The following ZNF385B variants were observed in gnomAD, a reference collection of about 807,000 sequenced individuals.
The protein encoded by ZNF385B is zinc finger protein 533.
Under a neutral mutation model 39.2 loss-of-function variants are expected in ZNF385B, and 23 were observed. That is an observed-to-expected ratio of 0.59 (90% CI 0.42 to 0.83). ZNF385B has a LOEUF of 0.83. Ranked by LOEUF, ZNF385B falls within the 40% of genes least tolerant of loss-of-function variation. The probability of loss-of-function intolerance (pLI) is 0.00; values close to 1 mark genes in which losing one functional copy is unlikely to be tolerated. For missense variants in ZNF385B, 552 were observed against 598.9 expected, an observed-to-expected ratio of 0.92 and a Z score of 0.82; for synonymous variants, 205 against 222.6, an observed-to-expected ratio of 0.92 and a Z score of 0.70.
intron 3 of ZNF385B, among the ~76,000 whole-genome samples, chr2:179,600,546 A>G (rs1434203990): frequency 6.6e-6 from 1 of 152,198 alleles, no homozygotes; most frequent in African/African-American, 2.4e-5. Context: ...TGAATATGTA[A>G]GCCAAGGTAT....
intron 6 of ZNF385B, among the ~76,000 whole-genome samples, chr2:179,448,124 C>T (rs1325830266): frequency 6.6e-6 from 1 of 151,970 alleles, no homozygotes; most frequent in East Asian, 1.9e-4. Context: ...TCCATATTCC[C>T]TTTCAGTGAC....
chr2:179,790,563 C>A (rs906025896), intron 1 of ZNF385B, among the ~76,000 whole-genome samples: 7 of 152,144 alleles, frequency 4.6e-5, no homozygotes, highest in East Asian at 1.9e-4. Flanking sequence ...GAGTAGTTAT[C>A]CAATAGTGTC....
chr2:179,798,004 AT>A (rs936015214), intron 1 of ZNF385B, among the ~76,000 whole-genome samples: 2 of 151,912 alleles, frequency 1.3e-5, no homozygotes, highest in Non-Finnish European at 2.9e-5. Context: ...AAAATGCTTC[AT>A]TTTTTTTCCC....
At chr2:179,628,445 T>G (rs1047299132) in intron 3 of ZNF385B, among the ~76,000 whole-genome samples, 3 of 152,256 alleles carry the variant, frequency 2.0e-5, no homozygotes, top group African/African-American at 7.2e-5. Flanking sequence ...TGGTGTCATG[T>G]GACATCTTCC....
intron 1 of ZNF385B, among the ~76,000 whole-genome samples, chr2:179,793,364 TG>T (rs1010344118): frequency 6.6e-6 from 1 of 152,148 alleles, no homozygotes; most frequent in Non-Finnish European, 1.5e-5. Flanking sequence ...AAAATGTTAG[TG>T]GGTGATAAGG....
At chr2:179,578,205 A>G (rs1686060806) in intron 3 of ZNF385B, among the ~76,000 whole-genome samples, 1 of 152,116 alleles carries the variant, frequency 6.6e-6, no homozygotes, top group Non-Finnish European at 1.5e-5. Flanking sequence ...TCATTCAAAT[A>G]TTTCTTAAGC....
At chr2:179,792,129 A>C (rs569425128) in intron 1 of ZNF385B, among the ~76,000 whole-genome samples, 1 of 152,124 alleles carries the variant, frequency 6.6e-6, no homozygotes, top group South Asian at 2.1e-4. Flanking sequence ...GCACCCCCTA[A>C]AGTGTTCACT....
chr2:179,748,654 C>A (rs1702510769), intron 3 of ZNF385B, among the ~76,000 whole-genome samples: 1 of 152,078 alleles, frequency 6.6e-6, no homozygotes, highest in Non-Finnish European at 1.5e-5. Context: ...CATCAAGAGC[C>A]AACTGTTTAG....
chr2:179,532,303 GACTA>G (rs2059299343), intron 4 of ZNF385B, among the ~76,000 whole-genome samples: 1 of 152,120 alleles, frequency 6.6e-6, no homozygotes, highest in Non-Finnish European at 1.5e-5. Context: ...GTTCTGAATA[GACTA>G]ACACATATGT....
chr2:179,538,416 G>A (rs1471851144), intron 4 of ZNF385B, among the ~76,000 whole-genome samples: 1 of 152,078 alleles, frequency 6.6e-6, no homozygotes, highest in Non-Finnish European at 1.5e-5. Flanking sequence ...GGGAAGCATA[G>A]CACGAATTAA....
chr2:179,524,561 A>G (rs1274269218), intron 4 of ZNF385B, among the ~76,000 whole-genome samples: 2 of 70,568 alleles, frequency 2.8e-5, no homozygotes, highest in Non-Finnish European at 7.7e-5. Context: ...CAAAAAAAAA[A>G]AAAAAAAAAA....
chr2:179,676,392 T>A (rs1334221384), intron 3 of ZNF385B, among the ~76,000 whole-genome samples: 1 of 149,710 alleles, frequency 6.7e-6, no homozygotes, highest in Non-Finnish European at 1.5e-5. Context: ...CCAGCCTAAT[T>A]TTTTTGTATT....
chr2:179,722,455 G>A (rs2106408345), intron 3 of ZNF385B, among the ~76,000 whole-genome samples: 2 of 152,108 alleles, frequency 1.3e-5, no homozygotes, highest in Middle Eastern at 6.8e-3. Context: ...ACAGAAACTT[G>A]GTTTTTGGTA....
At chr2:179,688,058 TC>T (rs1165697290) in intron 3 of ZNF385B, among the ~76,000 whole-genome samples, 1 of 152,178 alleles carries the variant, frequency 6.6e-6, no homozygotes, top group Non-Finnish European at 1.5e-5. Context: ...GGACTCTGAC[TC>T]TGCCAGCTCA....
At chr2:179,524,268 G>T (rs1475283630) in intron 4 of ZNF385B, among the ~76,000 whole-genome samples, 1 of 151,982 alleles carries the variant, frequency 6.6e-6, no homozygotes, top group Non-Finnish European at 1.5e-5. Flanking sequence ...AAAATTTAAA[G>T]TCGGCCGGGC....
rs1303175215 is a variant in ZNF385B, at chr2:179,552,266, G to A, written c.299-7297C>T. Among the ~76,000 whole-genome samples, 4 of 148,848 alleles carry A rather than the reference G, an allele frequency of 2.7e-5. 1 individual carries two copies. The highest frequency in any genetic ancestry group is 4.4e-5 in the Non-Finnish European group (3 of 67,490). On this transcript the variant is annotated intron_variant, in intron 3 of 9. Transcript: ENST00000410066. ...ACTTCCTAGTGGCTCTTCTTTATAT[G>A]CCAAAACAGAAGCAAAGAAAACACC...
At chr2:179,490,580 G>C (rs1393016785) in intron 5 of ZNF385B, among the ~76,000 whole-genome samples, 1 of 151,056 alleles carries the variant, frequency 6.6e-6, no homozygotes, top group South Asian at 2.1e-4. Context: ...GAATTAGAAA[G>C]GTGCTGCAGT....
At chr2:179,742,976 T>G (rs997512604) in intron 3 of ZNF385B, among the ~76,000 whole-genome samples, 4 of 152,066 alleles carry the variant, frequency 2.6e-5, no homozygotes, top group Admixed American at 1.3e-4. Context: ...AAATTGCTAC[T>G]AAGACTTCAG....
Position 179,696,546 on chromosome 2 carries a change from TAAG to T in ZNF385B, c.298+72954_298+72956del, listed in dbSNP as rs1698776425. ...AAATGGCTAGGAAAATGTCTTCAAATAAGAAGAAATAATTTGTAGTCACTTAGT... is the reference window on the plus strand; with the variant it reads ...AAATGGCTAGGAAAATGTCTTCAAATAAGAAATAATTTGTAGTCACTTAGT... On this transcript the variant is annotated intron_variant, in intron 3 of 9. Transcript: ENST00000410066. 2.0e-5 allele frequency among the ~76,000 whole-genome samples: 3 copies of T among 151,958 alleles called. No individual in the cohort carries two copies. In the South Asian group the frequency reaches 6.2e-4, roughly 32 times the overall value.
Sources: gnomAD v4.1 joint callset for allele counts (sites outside exome capture counted in the v4.1 genomes callset) on GRCh38, gnomAD v4.1.1 for gene constraint, MANE v1.5 for transcripts, NCBI Gene and HGNC (gene_info 2026-07-23, HGNC 2026-07-21) for gene names.